NBEA: variants seen among roughly 807,000 people sequenced by gnomAD.
NBEA encodes the protein lysosomal-trafficking regulator 2.
NBEA carries 44 observed loss-of-function variants against 343.4 expected under a neutral mutation model. The observed-to-expected ratio is 0.13, with a 90% CI of 0.10 to 0.16. NBEA has a LOEUF of 0.16. NBEA is among the 10% of genes least tolerant of loss of function. The probability of loss-of-function intolerance (pLI) is 1.00; values close to 1 mark genes in which losing one functional copy is unlikely to be tolerated. For synonymous variants in NBEA, 1,175 were observed against 1,238.7 expected, an observed-to-expected ratio of 0.95 and a Z score of 1.08; for missense variants, 2,555 against 3,631.3, an observed-to-expected ratio of 0.70 and a Z score of 7.62.
intron 57 of NBEA, among the ~76,000 whole-genome samples, chr13:35,667,931 A>AT (rs2085435628): frequency 6.6e-6 from 1 of 152,208 alleles, no homozygotes; most frequent in African/African-American, 2.4e-5. Flanking sequence ...AAAATTACAT[A>AT]TACCCATTTG....
chr13:35,669,001 T>C (rs2085483934), intron 58 of NBEA, among the ~76,000 whole-genome samples: 1 of 152,242 alleles, frequency 6.6e-6, no homozygotes, highest in African/African-American at 2.4e-5. Flanking sequence ...AGAACAATTT[T>C]TTTACCCCCA....
intron 8 of NBEA, among the ~76,000 whole-genome samples, chr13:35,062,175 T>A (rs1014792878): frequency 1.3e-5 from 2 of 151,600 alleles, no homozygotes; most frequent in African/African-American, 4.8e-5. Context: ...ACAGGAAGTA[T>A]CAGCCATGAA....
At chr13:35,122,564 C>T (rs1449809034) in intron 16 of NBEA, among the ~76,000 whole-genome samples, 1 of 113,122 alleles carries the variant, frequency 8.8e-6, no homozygotes, top group Non-Finnish European at 1.7e-5. Context: ...ACACCGGGGC[C>T]TGTTGTGGGG....
At chr13:35,000,710 G>A (rs2061102671) in intron 1 of NBEA, among the ~76,000 whole-genome samples, 1 of 151,688 alleles carries the variant, frequency 6.6e-6, no homozygotes. Context: ...GAGATGGGGA[G>A]GTGTGAAGGT....
chr13:34,973,783 G>T (rs1026522593), intron 1 of NBEA, among the ~76,000 whole-genome samples: 23 of 152,138 alleles, frequency 1.5e-4, no homozygotes, highest in Non-Finnish European at 2.6e-4. Flanking sequence ...CCATGGAAGT[G>T]GGGTCCGCAG....
intron 1 of NBEA, among the ~76,000 whole-genome samples, chr13:34,976,354 T>TA (rs1304746983): frequency 6.6e-6 from 1 of 152,152 alleles, no homozygotes; most frequent in African/African-American, 2.4e-5. Context: ...TTCTCACTCA[T>TA]ATGTGAGAGC....
intron 55 of NBEA, among the ~76,000 whole-genome samples, chr13:35,656,234 G>A (rs1347493981): frequency 6.6e-6 from 1 of 152,188 alleles, no homozygotes; most frequent in Non-Finnish European, 1.5e-5. Flanking sequence ...GAGGCATTGT[G>A]GGAGATGCAA....
intron 34 of NBEA, among the ~76,000 whole-genome samples, chr13:35,266,832 C>G (rs1192937242): frequency 1.3e-5 from 2 of 151,830 alleles, no homozygotes; most frequent in Non-Finnish European, 3.0e-5. Flanking sequence ...GTTCGGGGTG[C>G]TGACCACGTG....
chr13:35,508,084 T>TA (rs2077139575), intron 41 of NBEA, among the ~76,000 whole-genome samples: 1 of 152,136 alleles, frequency 6.6e-6, no homozygotes, highest in Non-Finnish European at 1.5e-5. Context: ...GATGAAGAAA[T>TA]AGAGACTCAG....
intron 34 of NBEA, among the ~76,000 whole-genome samples, chr13:35,273,533 G>C (rs1370981844): frequency 6.6e-6 from 1 of 152,088 alleles, no homozygotes; most frequent in African/African-American, 2.4e-5. Flanking sequence ...GAAGGAGATA[G>C]AGACACAAAA....
chr13:35,474,869 A>G, intron 41 of NBEA: 1 of 686,492 alleles, frequency 1.5e-6, no homozygotes, highest in Non-Finnish European at 2.3e-6. Context: ...GTTTTTCTCC[A>G]TCCGCTTCCC....
At chr13:35,357,335 G>A (rs1177456794) in intron 38 of NBEA, among the ~76,000 whole-genome samples, 2 of 151,338 alleles carry the variant, frequency 1.3e-5, no homozygotes, top group African/African-American at 4.9e-5. Context: ...AGTGATACAT[G>A]TGCAGGTTTG....
chr13:35,188,993 C>T (rs1010598865), intron 30 of NBEA, among the ~76,000 whole-genome samples: 22 of 147,978 alleles, frequency 1.5e-4, no homozygotes, highest in African/African-American at 5.0e-4. Context: ...GATCCTGGCT[C>T]ACTGCAACCT....
chr13:35,100,066 A>G (rs1225540391), intron 11 of NBEA, among the ~76,000 whole-genome samples: 1 of 152,134 alleles, frequency 6.6e-6, no homozygotes, highest in Non-Finnish European at 1.5e-5. Context: ...AAAAATTGAG[A>G]AGATATTTTG....
At chr13:35,588,227 T>C (rs925349398) in intron 46 of NBEA, among the ~76,000 whole-genome samples, 2 of 152,098 alleles carry the variant, frequency 1.3e-5, no homozygotes, top group Non-Finnish European at 1.5e-5. Context: ...AAACTGCTTT[T>C]TTGGAGACTC....
intron 41 of NBEA, among the ~76,000 whole-genome samples, chr13:35,509,068 G>T (rs2077174311): frequency 6.6e-6 from 1 of 152,212 alleles, no homozygotes; most frequent in Non-Finnish European, 1.5e-5. Context: ...TCCCTCCCAT[G>T]GGTAACTGTT....
chr13:34,986,014 T>C (rs1225676815), intron 1 of NBEA, among the ~76,000 whole-genome samples: 1 of 150,626 alleles, frequency 6.6e-6, no homozygotes, highest in Non-Finnish European at 1.5e-5. Flanking sequence ...TTTTGAAGGG[T>C]TTTTTTGTGT....
chr13:35,051,943 A>G (rs2063078982), intron 6 of NBEA, among the ~76,000 whole-genome samples: 1 of 152,064 alleles, frequency 6.6e-6, no homozygotes. Context: ...GTCATTAACC[A>G]ATAAAAAGCA....
At chr13:35,131,265 C>G (rs1469447487) in intron 17 of NBEA, among the ~76,000 whole-genome samples, 2 of 152,006 alleles carry the variant, frequency 1.3e-5, no homozygotes, top group East Asian at 1.9e-4. Flanking sequence ...ACCATGATAC[C>G]AAAATTGGAT....
Sources: allele counts gnomAD v4.1 joint callset (sites outside exome capture counted in the v4.1 genomes callset), GRCh38; gene constraint gnomAD v4.1.1; transcripts MANE v1.5; gene names NCBI Gene and HGNC (gene_info 2026-07-23, HGNC 2026-07-21).